CREBRF: variants seen among roughly 807,000 people sequenced by gnomAD.
CREBRF encodes UPF0474 protein C5orf41.
Under a neutral mutation model 66.1 loss-of-function variants are expected in CREBRF, and 5 were observed. The observed-to-expected ratio is 0.08, with a 90% CI of 0.04 to 0.16. The LOEUF (loss-of-function observed/expected upper bound fraction) is 0.16. Ranked by LOEUF, CREBRF falls within the 10% of genes least tolerant of loss-of-function variation. CREBRF has a pLI of 1.00. For missense variants in CREBRF, 531 were observed against 744.9 expected (o/e 0.71, Z 3.34); for synonymous variants, 229 against 264.4 (o/e 0.87, Z 1.30).
At chr5:173,085,368 T>C in intron 2 of CREBRF, 1 of 1,264,644 alleles carries the variant, frequency 7.9e-7, no homozygotes, top group Non-Finnish European at 1.1e-6. Context: ...TCTTCTTCGA[T>C]CCTGGAGGCT....
chr5:173,106,774 A>G (rs1226630583), intron 4 of CREBRF, among the ~76,000 whole-genome samples: 5 of 150,174 alleles, frequency 3.3e-5, no homozygotes, highest in Admixed American at 2.7e-4. Context: ...ATTGAGATGG[A>G]GTCTTGCTCT....
chr5:173,116,007 C>T (rs149317326), intron 7 of CREBRF, among the ~76,000 whole-genome samples: 261 of 152,302 alleles, frequency 1.7e-3, no homozygotes, highest in Admixed American at 2.9e-3. Context: ...TAACAAATCA[C>T]TGGTTTTTAC....
At chr5:173,086,259 C>T (rs894047857) in intron 2 of CREBRF, 2 of 702,670 alleles carry the variant, frequency 2.8e-6, no homozygotes, top group African/African-American at 1.8e-5. Context: ...ATGTTGACCT[C>T]AGCTTCTCCA....
intron 4 of CREBRF, among the ~76,000 whole-genome samples, chr5:173,097,307 A>G (rs549207441): frequency 1.2e-4 from 19 of 152,188 alleles, no homozygotes; most frequent in African/African-American, 4.6e-4. Flanking sequence ...GTGCAGTGGC[A>G]TGAACTCGGC....
chr5:173,118,230 G>A (rs1321025002), intron 7 of CREBRF, among the ~76,000 whole-genome samples: 3 of 151,808 alleles, frequency 2.0e-5, no homozygotes, highest in Non-Finnish European at 2.9e-5. Flanking sequence ...GGCTGGTTTC[G>A]AACTCCTGGC....
rs1204724958 is a variant in CREBRF at position 173,136,847 on chromosome 5, T to A, written c.*3102T>A. The A allele has an allele frequency of 6.6e-6, 1 of 152,372 alleles. No individual in the cohort carries two copies. Among genetic ancestry groups the A allele is most frequent in the Non-Finnish European group, 1.5e-5 (1 of 67,902 alleles). 9.4% of individuals were successfully genotyped at this position (152,372 alleles called of 1,614,324 possible). ...TGTTCATACATGGTATACAGATAGC[T>A]CATAATGAAGTCCAGAATCTTACTT... On this transcript the variant is annotated 3_prime_UTR_variant, in exon 9 of 9. Coordinates refer to ENST00000296953, the MANE Select transcript of CREBRF (RefSeq NM_153607.3).
At chr5:173,109,868 A>G (rs1758832798) in intron 5 of CREBRF, 1 of 152,554 alleles carries the variant, frequency 6.6e-6, no homozygotes, top group African/African-American at 2.4e-5. Flanking sequence ...CTAGAAATGA[A>G]ACATTAAGTC....
intron 7 of CREBRF, among the ~76,000 whole-genome samples, chr5:173,117,493 T>G: frequency 6.7e-6 from 1 of 149,576 alleles, no homozygotes; most frequent in South Asian, 2.1e-4. Context: ...CCTTTTCCTT[T>G]TTCCTTTCCT....
Position 173,061,008 on chromosome 5 carries a change from C to T in CREBRF, c.-192+4529C>T, listed in dbSNP as rs141017837. ...TTTGAGACAGAGTCTAGTTCTGTCCCCCCTGCTGGAGTGCAGTGGCACGAT... is the reference window on the plus strand; with the variant it reads ...TTTGAGACAGAGTCTAGTTCTGTCCTCCCTGCTGGAGTGCAGTGGCACGAT... On this transcript the variant is annotated intron_variant, in intron 1 of 8. Transcript: ENST00000296953. 4.4e-4 allele frequency among the ~76,000 whole-genome samples: 67 copies of T among 152,234 alleles called. 1 individual carries two copies. In the East Asian group the frequency reaches 0.013, roughly 29 times the overall value.
At chr5:173,082,549 G>T (rs1000387882) in intron 2 of CREBRF, among the ~76,000 whole-genome samples, 1 of 149,784 alleles carries the variant, frequency 6.7e-6, no homozygotes, top group Non-Finnish European at 1.5e-5. Context: ...TAAGCAAATA[G>T]ATTAATACCA....
intron 3 of CREBRF, among the ~76,000 whole-genome samples, chr5:173,088,640 A>G (rs370164): frequency 0.49 from 73,810 of 151,764 alleles, 19,100 homozygotes; most frequent in Non-Finnish European, 0.58. Context: ...CACAAAAATA[A>G]CAATTCCAAA....
intron 8 of CREBRF, among the ~76,000 whole-genome samples, chr5:173,131,282 G>A (rs1233437654): frequency 1.3e-5 from 2 of 152,160 alleles, no homozygotes; most frequent in Non-Finnish European, 2.9e-5. Context: ...TTGAAAACAA[G>A]GACATTCTCT....
At chr5:173,108,941 T>C (rs924160082) in intron 5 of CREBRF, 123 bp downstream of exon 5, 1 of 777,134 alleles carries the variant, frequency 1.3e-6, no homozygotes, top group South Asian at 1.8e-5. Context: ...ATGGGGACTG[T>C]AGAGCTGCTA....
At chr5:173,081,751 C>G (rs1489994515) in intron 2 of CREBRF, among the ~76,000 whole-genome samples, 2 of 152,044 alleles carry the variant, frequency 1.3e-5, no homozygotes, top group African/African-American at 4.8e-5. Flanking sequence ...GAAACCCTGT[C>G]TTTACTAAAA....
intron 1 of CREBRF, among the ~76,000 whole-genome samples, chr5:173,066,485 T>C (rs1020541487): frequency 5.3e-5 from 8 of 152,208 alleles, no homozygotes; most frequent in African/African-American, 1.7e-4. Flanking sequence ...AACACCTCTT[T>C]TTAAAATTCA....
chr5:173,061,439 A>G (rs1430625650), intron 1 of CREBRF, among the ~76,000 whole-genome samples: 3 of 152,230 alleles, frequency 2.0e-5, no homozygotes, highest in Admixed American at 2.0e-4. Flanking sequence ...TTACATATAA[A>G]TGTTTTCTTG....
chr5:173,133,572 C>G, intron 8 of CREBRF, 58 bp from the exon 9 acceptor site: 1 of 966,232 alleles, frequency 1.0e-6, no homozygotes. Flanking sequence ...AGCTCCTTCC[C>G]TTCCCTTCAT....
intron 7 of CREBRF, among the ~76,000 whole-genome samples, chr5:173,115,736 C>G (rs1207176703): frequency 6.6e-6 from 1 of 152,146 alleles, no homozygotes; most frequent in African/African-American, 2.4e-5. Context: ...CTCCCAGTAG[C>G]TGGGACTACA....
At position 173,135,662 on chromosome 5, in the gene CREBRF, T is replaced by G. The variant is rs1395453999; in HGVS notation, c.*1917T>G. ...TGACTATAAAGTGTCAAAGTATAATTTGTTCTTTTCTTTTACTTTGTTACC... is the reference window on the plus strand; with the variant it reads ...TGACTATAAAGTGTCAAAGTATAATGTGTTCTTTTCTTTTACTTTGTTACC... On this transcript the variant is annotated 3_prime_UTR_variant, in exon 9 of 9. Transcript: ENST00000296953. The G allele has an allele frequency of 6.6e-6, 1 of 152,228 alleles. No individual in the cohort carries two copies. The highest frequency in any genetic ancestry group is 1.5e-5 in the Non-Finnish European group (1 of 67,936). 9.4% of individuals were successfully genotyped at this position (152,228 alleles called of 1,614,324 possible).
Sources: allele counts gnomAD v4.1 joint callset (sites outside exome capture counted in the v4.1 genomes callset), GRCh38; gene constraint gnomAD v4.1.1; transcripts MANE v1.5; gene names NCBI Gene and HGNC (gene_info 2026-07-23, HGNC 2026-07-21).